Variants in SH3D19 observed in about 807,000 individuals in gnomAD.
SH3D19 encodes the protein SH3 domain containing 19.
Under a neutral mutation model 112.1 loss-of-function variants are expected in SH3D19, and 58 were observed. That is an observed-to-expected ratio of 0.52 (90% CI 0.42 to 0.64). The LOEUF (loss-of-function observed/expected upper bound fraction) is 0.64. SH3D19 is among the 30% of genes least tolerant of loss of function. SH3D19 has a pLI of 0.00. For synonymous variants in SH3D19, 391 were observed against 448.5 expected (o/e 0.87, Z 1.62); for missense variants, 1,090 against 1,263.4 (o/e 0.86, Z 2.08).
At chr4:151,165,795 G>T in intron 7 of SH3D19, 99 bp from the exon 8 acceptor site, 1 of 986,972 alleles carries the variant, frequency 1.0e-6, no homozygotes, top group Non-Finnish European at 1.5e-6. Context: ...CATGCCCCTG[G>T]GGAAACTATT....
intron 9 of SH3D19, among the ~76,000 whole-genome samples, chr4:151,152,811 G>T (rs1291876402): frequency 1.3e-5 from 2 of 151,680 alleles, no homozygotes; most frequent in Non-Finnish European, 2.9e-5. Flanking sequence ...GAGCCACTGT[G>T]CCTAGACTTT....
chr4:151,212,067 T>A (rs768390119), intron 2 of SH3D19, among the ~76,000 whole-genome samples: 6 of 152,268 alleles, frequency 3.9e-5, no homozygotes, highest in African/African-American at 7.2e-5. Context: ...TGTCTGGCTT[T>A]AAAACTTCAA....
At position 151,175,085 on chromosome 4, in the gene SH3D19, C is replaced by T. The variant is rs371829393; in HGVS notation, c.1119G>A (p.Ala373=). The change falls in exon 7 of 20, where the codon GCG becomes GCA. Residue 373 remains alanine, a synonymous_variant. Transcript: ENST00000604030. ...CAGGTTTGGTTACTGGGATGCTTCC[C>T]GCTTCTTGCAGGGGAGGGTATGGGG... ...GLTPYPPLQE[A]GSIPVTKPEL... 16 of 1,614,134 alleles carry T rather than the reference C, an allele frequency of 9.9e-6. No individual in the cohort carries two copies. In the African/African-American group the frequency reaches 1.1e-4, roughly 11 times the overall value.
chr4:151,175,077 ATGCT>A lies in SH3D19; in HGVS notation c.1123_1126del (p.Ile376GlnfsTer2). On this transcript the variant is annotated frameshift_variant, in exon 7 of 20. Transcript: ENST00000604030. LOFTEE classifies it high-confidence loss of function. Reference sequence around the variant, plus strand: ...TGGCAATTCAGGTTTGGTTACTGGGATGCTTCCCGCTTCTTGCAGGGGAGGGTAT... The same window carrying A: ...TGGCAATTCAGGTTTGGTTACTGGGATCCCGCTTCTTGCAGGGGAGGGTAT... The A allele has an allele frequency of 6.2e-7, 1 of 1,614,080 alleles. No homozygotes were observed. The highest frequency in any genetic ancestry group is 1.1e-5 in the South Asian group (1 of 91,076).
At chr4:151,290,119 T>C (rs1775182449) in intron 1 of SH3D19, among the ~76,000 whole-genome samples, 1 of 151,930 alleles carries the variant, frequency 6.6e-6, no homozygotes, top group South Asian at 2.1e-4. Context: ...TATTTACTTA[T>C]TTATTTGTTT....
chr4:151,255,530 C>T (rs559265481), intron 1 of SH3D19, among the ~76,000 whole-genome samples: 179 of 151,576 alleles, frequency 1.2e-3, no homozygotes, highest in Non-Finnish European at 2.1e-3. Flanking sequence ...GGAGACGCTC[C>T]TCACTTTCCA....
intron 1 of SH3D19, among the ~76,000 whole-genome samples, chr4:151,260,396 C>T (rs1029992511): frequency 5.3e-5 from 8 of 152,196 alleles, no homozygotes; most frequent in Admixed American, 4.6e-4. Flanking sequence ...CTTTTTCTCT[C>T]TCTGCCTTCC....
At chr4:151,230,596 T>A (rs1307640540) in intron 1 of SH3D19, among the ~76,000 whole-genome samples, 5 of 147,860 alleles carry the variant, frequency 3.4e-5, no homozygotes, top group Non-Finnish European at 6.0e-5. Context: ...TTAAAGTGAG[T>A]CTTTTTTTTT....
intron 4 of SH3D19, among the ~76,000 whole-genome samples, chr4:151,178,613 T>C (rs1220174103): frequency 5.3e-5 from 8 of 152,188 alleles, no homozygotes; most frequent in Admixed American, 1.3e-4. Context: ...ATAAAGAAGC[T>C]AGAGAGATTA....
At chr4:151,143,276 C>A (rs1753340532) in intron 12 of SH3D19, among the ~76,000 whole-genome samples, 1 of 150,230 alleles carries the variant, frequency 6.7e-6, no homozygotes, top group South Asian at 2.1e-4. Flanking sequence ...CTATTTTTCA[C>A]AAAGGAAAGC....
intron 1 of SH3D19, among the ~76,000 whole-genome samples, chr4:151,241,278 C>T (rs1269779534): frequency 2.0e-5 from 3 of 151,798 alleles, no homozygotes; most frequent in African/African-American, 7.3e-5. Context: ...GGTTACAAAG[C>T]GAGGCCCTAT....
At chr4:151,172,247 C>T (rs764986142) in intron 7 of SH3D19, among the ~76,000 whole-genome samples, 1 of 152,108 alleles carries the variant, frequency 6.6e-6, no homozygotes, top group African/African-American at 2.4e-5. Flanking sequence ...TCACAAAGCC[C>T]CAAATCAAAA....
chr4:151,151,085 C>T (rs1167591497), intron 9 of SH3D19, among the ~76,000 whole-genome samples: 1 of 151,828 alleles, frequency 6.6e-6, no homozygotes, highest in Non-Finnish European at 1.5e-5. Context: ...CTCAGCTTCC[C>T]GAGTGGCTGA....
Position 151,137,775 on chromosome 4 carries a change from C to T in SH3D19, c.2384G>A (p.Arg795Lys). 6.2e-7 allele frequency: 1 copy of T among 1,607,634 alleles called. No homozygotes were observed. Among genetic ancestry groups the T allele is most frequent in the Non-Finnish European group, 8.5e-7 (1 of 1,177,816 alleles). ...IDTDWYRGNC[R>K]NQIGIFPANY... ...GGCAGGAAATATGCCAATCTGGTTT[C>T]TACAGTTCCCTCTGTACCAATCTGT... Residue 795 changes from arginine to lysine, a missense_variant, in exon 14 of 20, where the codon AGA becomes AAA. Transcript: ENST00000604030.
intron 1 of SH3D19, chr4:151,279,131 G>A: frequency 2.3e-6 from 1 of 434,336 alleles, no homozygotes; most frequent in Non-Finnish European, 4.5e-6. Context: ...GCCAAGGCCA[G>A]CACCCTGCAG....
chr4:151,146,005 T>TACTAAA (rs1753855442), intron 11 of SH3D19, among the ~76,000 whole-genome samples: 1 of 152,338 alleles, frequency 6.6e-6, no homozygotes, highest in African/African-American at 2.4e-5. Flanking sequence ...CTACTGTTAT[T>TACTAAA]TATTAATTAA....
At chr4:151,323,935 G>C (rs1226280347) in intron 1 of SH3D19, among the ~76,000 whole-genome samples, 2 of 152,150 alleles carry the variant, frequency 1.3e-5, no homozygotes, top group African/African-American at 2.4e-5. Flanking sequence ...TAAATCCATA[G>C]GTCAGGCATG....
chr4:151,325,143 C>T (rs1041822080), intron 1 of SH3D19, 98 bp downstream of exon 1: 15 of 585,564 alleles, frequency 2.6e-5, no homozygotes, highest in African/African-American at 5.8e-5. Flanking sequence ...GGTCCCATCC[C>T]GGCGCGTGAA....
chr4:151,300,541 A>G (rs987434318), intron 1 of SH3D19: 1 of 152,148 alleles, frequency 6.6e-6, no homozygotes, highest in Non-Finnish European at 1.5e-5. Context: ...CAACACGTAT[A>G]CTAAAATTGG....
Sources: allele counts gnomAD v4.1 joint callset (sites outside exome capture counted in the v4.1 genomes callset), GRCh38; gene constraint gnomAD v4.1.1; transcripts MANE v1.5; gene names NCBI Gene and HGNC (gene_info 2026-07-23, HGNC 2026-07-21).